Variants in CAMSAP2 observed in about 807,000 individuals in gnomAD.
The protein encoded by CAMSAP2 is calmodulin regulated spectrin associated protein family member 2.
A neutral mutation model predicts 146.1 loss-of-function variants in CAMSAP2; 26 were observed. The observed-to-expected ratio is 0.18, with a 90% CI of 0.13 to 0.25. The LOEUF (loss-of-function observed/expected upper bound fraction) is 0.25. CAMSAP2 is among the 10% of genes least tolerant of loss of function. The probability of loss-of-function intolerance (pLI) is 1.00; values close to 1 mark genes in which losing one functional copy is unlikely to be tolerated. For synonymous variants in CAMSAP2, 499 were observed against 596.6 expected (o/e 0.84, Z 2.38); for missense variants, 1,381 against 1,759.3 (o/e 0.78, Z 3.85).
At chr1:200,774,152 G>C (rs1294883800) in intron 2 of CAMSAP2, among the ~76,000 whole-genome samples, 1 of 152,078 alleles carries the variant, frequency 6.6e-6, no homozygotes, top group Non-Finnish European at 1.5e-5. Context: ...TTTGCAATTT[G>C]TTAGGTTATA....
chr1:200,846,042 A>AT, intron 8 of CAMSAP2, among the ~76,000 whole-genome samples: 1 of 152,254 alleles, frequency 6.6e-6, no homozygotes, highest in Middle Eastern at 3.4e-3. Flanking sequence ...AATCTATCTG[A>AT]TTTTTTACGT....
At chr1:200,745,013 TA>T (rs1324923535) in intron 1 of CAMSAP2, among the ~76,000 whole-genome samples, 2 of 152,190 alleles carry the variant, frequency 1.3e-5, no homozygotes, top group Non-Finnish European at 2.9e-5. Flanking sequence ...TTAAGTATAT[TA>T]AACATGTAAT....
At chr1:200,775,540 T>C (rs1283216785) in intron 2 of CAMSAP2, among the ~76,000 whole-genome samples, 1 of 152,148 alleles carries the variant, frequency 6.6e-6, no homozygotes, top group African/African-American at 2.4e-5. Context: ...TTTTGTTGTT[T>C]GTTTTTTGAG....
At chr1:200,823,387 G>A (rs1028793172) in intron 4 of CAMSAP2, among the ~76,000 whole-genome samples, 5 of 152,158 alleles carry the variant, frequency 3.3e-5, no homozygotes, top group African/African-American at 1.2e-4. Context: ...AACATCTTAC[G>A]TAATTGGAGC....
Position 200,852,697 on chromosome 1 carries a change from C to T in CAMSAP2, c.3602+20C>T. On this transcript the variant is annotated intron_variant, in intron 12 of 16. Transcript: ENST00000358823. The stretch of plus-strand genomic sequence containing the variant: ...AACAAGGTAAAGGAAATTGCTGGCC[C>T]AGTGCTAGATCTGAACTTTAATGAT... 1 of 1,608,904 alleles carries T rather than the reference C, an allele frequency of 6.2e-7. No individual in the cohort carries two copies.
chr1:200,844,120 C>T (rs1010743371), intron 7 of CAMSAP2, among the ~76,000 whole-genome samples: 9 of 152,010 alleles, frequency 5.9e-5, no homozygotes, highest in Admixed American at 2.6e-4. Context: ...ATCCACCGGC[C>T]TCAGCCTCCC....
chr1:200,825,339 C>T (rs559639349), intron 4 of CAMSAP2, among the ~76,000 whole-genome samples: 1 of 152,328 alleles, frequency 6.6e-6, no homozygotes, highest in South Asian at 2.1e-4. Context: ...GTACTCCCTC[C>T]CAGCCCTTCT....
Position 200,849,550 on chromosome 1 carries a change from G to A in CAMSAP2, c.2781G>A (p.Gln927=). The change falls in exon 11 of 17, where the codon CAG becomes CAA. Residue 927 remains glutamine, a synonymous_variant. Transcript: ENST00000358823. This position sits in a 1 kb window ranked among gnomAD's most constrained non-coding sequence, Gnocchi z 6.3. ...TTTCACCTCCACAACCCTCTCCACA[G>A]AAACAGATTCGAGATTTTAAGCCTT... ...WVISPPQPSP[Q]KQIRDFKPSK... is the part of the protein sequence containing the mutation. 1 of 1,614,178 alleles carries A rather than the reference G, an allele frequency of 6.2e-7. No homozygotes were observed.
Position 200,749,569 on chromosome 1 carries a change from A to G in CAMSAP2, c.139+9603A>G, listed in dbSNP as rs117616408. Among the ~76,000 whole-genome samples, 826 of 152,242 alleles carry G rather than the reference A, an allele frequency of 5.4e-3. 4 individuals carry two copies. Among genetic ancestry groups the G allele is most frequent in the Non-Finnish European group, 9.1e-3 (621 of 68,024 alleles). Reference sequence around the variant, plus strand: ...TATCTTGTTTTTTCCATCCCTTTCTATGTTTAATATATGTGTGCTATTAAC... The same window carrying G: ...TATCTTGTTTTTTCCATCCCTTTCTGTGTTTAATATATGTGTGCTATTAAC... On this transcript the variant is annotated intron_variant, in intron 1 of 16. Coordinates refer to ENST00000358823, the MANE Select transcript of CAMSAP2 (RefSeq NM_203459.4).
chr1:200,849,605 G>T lies in CAMSAP2; in HGVS notation c.2836G>T (p.Ala946Ser), dbSNP rs781386910. 6.2e-7 allele frequency: 1 copy of T among 1,614,174 alleles called. No individual in the cohort carries two copies. Among genetic ancestry groups the T allele is most frequent in the East Asian group, 2.2e-5 (1 of 44,882 alleles). Reference protein sequence around the residue: ...SKQAGLSSAIAPFSSDSPRPT... With the variant: ...SKQAGLSSAISPFSSDSPRPT... ...GCAGGCAGGCCTGTCATCAGCCATT[G>T]CACCATTCTCCTCAGACTCCCCTCG... The change falls in exon 11 of 17, where the codon GCA becomes TCA. Residue 946 changes from alanine to serine, a missense_variant. Physicochemically the swap from Ala to Ser is moderately conservative, Grantham distance 99. This residue lies in a region of CAMSAP2 where 560 missense variants were observed against 715.9 expected (regional missense o/e 0.78). Transcript: ENST00000358823. The surrounding 1 kb of genome is among the most constrained non-coding windows in gnomAD (Gnocchi z 6.3).
chr1:200,790,708 G>A (rs1407752856), intron 2 of CAMSAP2, among the ~76,000 whole-genome samples: 2 of 152,146 alleles, frequency 1.3e-5, no homozygotes, highest in African/African-American at 2.4e-5. Flanking sequence ...TGTGCTTGTT[G>A]TTAGAACAGA....
Position 200,832,906 on chromosome 1 carries a change from A to G in CAMSAP2, c.927+61A>G. On this transcript the variant is annotated intron_variant, in intron 6 of 16. Coordinates refer to ENST00000358823, the MANE Select transcript of CAMSAP2 (RefSeq NM_203459.4). The surrounding 1 kb of genome is among the most constrained non-coding windows in gnomAD (Gnocchi z 4.2). ...TTAAAATATGTTTTTTTAAAAAACA[A>G]ACAAAAACACCGGGAACAGTGGCTC... 1 of 1,435,098 alleles carries G rather than the reference A, an allele frequency of 7.0e-7. No homozygotes were observed. The highest frequency in any genetic ancestry group is 1.8e-4 in the Middle Eastern group (1 of 5,442). 88.9% of individuals were successfully genotyped at this position (1,435,098 alleles called of 1,614,324 possible).
rs1667547817 is a variant in CAMSAP2 at position 200,849,208 on chromosome 1, A to G, written c.2439A>G (p.Val813=). 1 of 1,613,896 alleles carries G rather than the reference A, an allele frequency of 6.2e-7. No individual in the cohort carries two copies. Among genetic ancestry groups the G allele is most frequent in the South Asian group, 1.1e-5 (1 of 91,080 alleles). The stretch of plus-strand genomic sequence containing the variant: ...CGGCGGGTGCAGAAGATGAGAAAGT[A>G]TATACTGATCGAGCAAAAGAAAAGG... ...EEAAGAEDEK[V]YTDRAKEKES... Residue 813 remains valine (V), a synonymous_variant, in exon 11 of 17, where the codon GTA becomes GTG. Transcript: ENST00000358823. The surrounding 1 kb of genome is among the most constrained non-coding windows in gnomAD (Gnocchi z 6.3).
chr1:200,766,421 G>C (rs145704990), intron 2 of CAMSAP2, among the ~76,000 whole-genome samples: 1 of 152,234 alleles, frequency 6.6e-6, no homozygotes, highest in East Asian at 1.9e-4. Context: ...ATTACACCTG[G>C]TCTATCAGGT....
At chr1:200,796,063 C>T (rs1464766141) in intron 2 of CAMSAP2, among the ~76,000 whole-genome samples, 1 of 152,180 alleles carries the variant, frequency 6.6e-6, no homozygotes. Context: ...TATTTTGAAT[C>T]TCATGAAAGT....
chr1:200,750,659 T>A (rs1306964065), intron 1 of CAMSAP2, among the ~76,000 whole-genome samples: 1 of 150,476 alleles, frequency 6.6e-6, no homozygotes, highest in Non-Finnish European at 1.5e-5. Flanking sequence ...AGTTTCGCTC[T>A]TGTTGCCCAG....
chr1:200,771,197 A>G (rs1011311557), intron 2 of CAMSAP2, among the ~76,000 whole-genome samples: 1 of 152,214 alleles, frequency 6.6e-6, no homozygotes, highest in African/African-American at 2.4e-5. Flanking sequence ...TCACCTGACT[A>G]AAGCATTATT....
intron 4 of CAMSAP2, 81 bp downstream of exon 4, chr1:200,815,725 A>C (rs934117008): frequency 1.7e-5 from 11 of 663,392 alleles, no homozygotes; most frequent in Admixed American, 7.3e-5. Context: ...GGAAATGTTA[A>C]TTGTGTTTAT....
Position 200,760,976 on chromosome 1 carries a change from G to T in CAMSAP2, c.277G>T (p.Ala93Ser). The T allele has an allele frequency of 6.2e-7, 1 of 1,614,094 alleles. No individual in the cohort carries two copies. The change falls in exon 2 of 17, where the codon GCT becomes TCT. Residue 93 changes from alanine to serine, a missense_variant. This residue lies in a region of CAMSAP2 where 284 missense variants were observed against 406.9 expected (regional missense o/e 0.70). Coordinates refer to ENST00000358823, the MANE Select transcript of CAMSAP2 (RefSeq NM_203459.4). ...RAGSLILKSD[A>S]AKPLLGHDAV... Reference sequence around the variant, plus strand: ...TGGGAGTCTCATTCTCAAGAGTGATGCTGCAAAACCCCTTTTGGGCCATGA... The same window carrying T: ...TGGGAGTCTCATTCTCAAGAGTGATTCTGCAAAACCCCTTTTGGGCCATGA...
Sources: gnomAD v4.1 joint callset for allele counts (sites outside exome capture counted in the v4.1 genomes callset) on GRCh38, gnomAD v4.1.1 for gene constraint, gnomAD v4.1.1 regional missense constraint, Gnocchi (gnomAD v3.1) non-coding constraint, MANE v1.5 for transcripts, NCBI Gene and HGNC (gene_info 2026-07-23, HGNC 2026-07-21) for gene names.